The following NBAS variants were observed in gnomAD, a reference collection of about 807,000 sequenced individuals.
NBAS encodes the protein NBAS subunit of NRZ tethering complex.
In NBAS, 219 loss-of-function variants were observed where a neutral mutation model predicts 302.5. The observed-to-expected ratio is 0.72, with a 90% confidence interval of 0.65 to 0.81. NBAS has a LOEUF of 0.81. NBAS is among the 30% of genes least tolerant of loss of function. The probability of loss-of-function intolerance (pLI) is 0.00; values close to 1 mark genes in which losing one functional copy is unlikely to be tolerated. For synonymous variants in NBAS, 1,118 were observed against 1,021.6 expected (o/e 1.09, Z -1.80); for missense variants, 2,932 against 2,841.6 (o/e 1.03, Z -0.72).
At chr2:14,992,842 C>T in the NBAS span, among the ~76,000 whole-genome samples, 39 of 152,270 alleles carry the variant, frequency 2.6e-4, no homozygotes, top group African/African-American at 7.2e-4. Flanking sequence ...AAAGGACCTT[C>T]GCTGGCCATG....
the NBAS span, among the ~76,000 whole-genome samples, chr2:15,078,236 G>A: frequency 6.6e-6 from 1 of 152,136 alleles, no homozygotes; most frequent in Non-Finnish European, 1.5e-5. Context: ...TTCAAGCAAG[G>A]AAGTAACAAG....
At chr2:15,072,880 A>C in the NBAS span, among the ~76,000 whole-genome samples, 1 of 152,140 alleles carries the variant, frequency 6.6e-6, no homozygotes, top group Non-Finnish European at 1.5e-5. Context: ...TGTAACCCCA[A>C]CACTTTGAGA....
the NBAS span, among the ~76,000 whole-genome samples, chr2:14,850,539 G>C: frequency 1.1e-5 from 1 of 87,464 alleles, no homozygotes; most frequent in Non-Finnish European, 2.0e-5. Context: ...AAGTCAACAA[G>C]GATACCCAGG....
At chr2:14,950,003 A>G in the NBAS span, among the ~76,000 whole-genome samples, 1 of 152,200 alleles carries the variant, frequency 6.6e-6, no homozygotes, top group South Asian at 2.1e-4. Context: ...ACTATAGTCT[A>G]CAGTAATCTA....
At chr2:15,325,221 T>A (rs1024618762) in intron 38 of NBAS, among the ~76,000 whole-genome samples, 10 of 152,226 alleles carry the variant, frequency 6.6e-5, no homozygotes, top group African/African-American at 2.2e-4. Flanking sequence ...TCCAGACTAC[T>A]GCAATAAAGC....
chr2:15,014,005 C>T, the NBAS span, among the ~76,000 whole-genome samples: 9 of 151,778 alleles, frequency 5.9e-5, no homozygotes, highest in African/African-American at 2.2e-4. Context: ...AGTAGCTACA[C>T]TTAAATCAGA....
intron 21 of NBAS, among the ~76,000 whole-genome samples, chr2:15,435,327 G>A (rs1300956306): frequency 2.0e-5 from 3 of 152,098 alleles, no homozygotes; most frequent in Non-Finnish European, 2.9e-5. Context: ...AAGAATCCCC[G>A]TATGTTCTTG....
chr2:15,520,272 T>C (rs1050669067), intron 9 of NBAS, among the ~76,000 whole-genome samples: 1 of 152,130 alleles, frequency 6.6e-6, no homozygotes, highest in Non-Finnish European at 1.5e-5. Context: ...TGTTGTGACA[T>C]GTGCCTGTAG....
the NBAS span, among the ~76,000 whole-genome samples, chr2:14,848,970 T>C: frequency 2.2e-5 from 3 of 134,876 alleles, no homozygotes; most frequent in Non-Finnish European, 4.6e-5. Flanking sequence ...ACCACAAAGA[T>C]GGGGAAAAAA....
chr2:15,137,228 A>G, the NBAS span, among the ~76,000 whole-genome samples: 2 of 152,194 alleles, frequency 1.3e-5, no homozygotes, highest in African/African-American at 4.8e-5. Flanking sequence ...AGTTTATGGA[A>G]TTTTGTTACA....
At chr2:15,021,726 C>G in the NBAS span, among the ~76,000 whole-genome samples, 1 of 152,142 alleles carries the variant, frequency 6.6e-6, no homozygotes, top group African/African-American at 2.4e-5. Flanking sequence ...CTGTTGGCAC[C>G]CACTCTAAGG....
At chr2:15,184,930 C>G (rs114503090) in intron 50 of NBAS, among the ~76,000 whole-genome samples, 1 of 152,130 alleles carries the variant, frequency 6.6e-6, no homozygotes, top group Non-Finnish European at 1.5e-5. Context: ...ATCCTAACAA[C>G]CTTATATCTT....
chr2:14,837,056 C>A, the NBAS span, among the ~76,000 whole-genome samples: 7 of 151,788 alleles, frequency 4.6e-5, no homozygotes, highest in Non-Finnish European at 1.0e-4. Context: ...ATAATTTTAT[C>A]TGTCAAACCT....
At chr2:15,164,890 G>C (rs542754944), downstream of NBAS, among the ~76,000 whole-genome samples, 8 of 152,056 alleles carry the variant, frequency 5.3e-5, no homozygotes, top group Admixed American at 4.6e-4. Context: ...TCTAGTAAAC[G>C]AGGATGTGAG....
At chr2:15,199,185 G>T (rs13009662) in intron 48 of NBAS, among the ~76,000 whole-genome samples, 1 of 149,758 alleles carries the variant, frequency 6.7e-6, no homozygotes, top group South Asian at 2.1e-4. Context: ...AAACAACTAC[G>T]TCATAAATCT....
Position 15,292,796 on chromosome 2 carries a change from T to G in NBAS, c.4798-30A>C, listed in dbSNP as rs1381101678. 3.7e-6 allele frequency: 6 copies of G among 1,601,750 alleles called. No individual in the cohort carries two copies. The African/African-American group carries it at 8.0e-5, about 21-fold the overall frequency. On this transcript the variant is annotated intron_variant, in intron 40 of 51. Coordinates refer to ENST00000281513, the MANE Select transcript of NBAS (RefSeq NM_015909.4). ...GAAAGACATGGAAAAGAAGACATTT[T>G]ACCAACATCATACAAACACGAGCAA...
intron 30 of NBAS, among the ~76,000 whole-genome samples, chr2:15,375,024 G>A (rs1197290351): frequency 5.9e-5 from 9 of 152,090 alleles, no homozygotes; most frequent in African/African-American, 7.2e-5. Flanking sequence ...GTTCAGTGCC[G>A]TTTTTACTGT....
At chr2:15,277,197 T>G in intron 42 of NBAS, 96 bp from the exon 43 acceptor site, 1 of 1,445,302 alleles carries the variant, frequency 6.9e-7, no homozygotes, top group Non-Finnish European at 9.4e-7. Flanking sequence ...TTCTTATAGC[T>G]CCCTTCTTCC....
chr2:14,831,730 G>A, the NBAS span, among the ~76,000 whole-genome samples: 1 of 152,128 alleles, frequency 6.6e-6, no homozygotes, highest in Non-Finnish European at 1.5e-5. Flanking sequence ...GTATAATCCT[G>A]TTCCCAGTCA....
Sources: gnomAD v4.1 joint callset for allele counts (sites outside exome capture counted in the v4.1 genomes callset) on GRCh38, gnomAD v4.1.1 for gene constraint, MANE v1.5 for transcripts, NCBI Gene and HGNC (gene_info 2026-07-23, HGNC 2026-07-21) for gene names.